Variants in BAZ2B observed in about 807,000 individuals in gnomAD.
BAZ2B encodes the protein bromodomain adjacent to zinc finger domain protein 2B.
A neutral mutation model predicts 246.0 loss-of-function variants in BAZ2B; 91 were observed. That is an observed-to-expected ratio of 0.37 (90% confidence interval 0.31 to 0.44). BAZ2B has a LOEUF of 0.44. Ranked by LOEUF, BAZ2B falls within the 20% of genes least tolerant of loss-of-function variation. The probability of loss-of-function intolerance (pLI) is 1.00; values close to 1 mark genes in which losing one functional copy is unlikely to be tolerated. For missense variants in BAZ2B, 2,332 were observed against 2,533.7 expected (o/e 0.92, Z 1.71); for synonymous variants, 855 against 860.0 (o/e 0.99, Z 0.10).
At chr2:159,359,012 T>C (rs2059403679) in intron 27 of BAZ2B, among the ~76,000 whole-genome samples, 1 of 152,082 alleles carries the variant, frequency 6.6e-6, no homozygotes, top group Admixed American at 6.6e-5. Context: ...GCAGGAAATA[T>C]CTAAAATCGA....
At chr2:159,337,983 A>T (rs1486966743) in intron 31 of BAZ2B, among the ~76,000 whole-genome samples, 1 of 152,246 alleles carries the variant, frequency 6.6e-6, no homozygotes, top group Admixed American at 6.5e-5. Context: ...TAAAATTTAT[A>T]AACTTTTGAT....
chr2:159,416,936 C>T (rs1467795105), intron 13 of BAZ2B, among the ~76,000 whole-genome samples: 1 of 152,102 alleles, frequency 6.6e-6, no homozygotes, highest in Non-Finnish European at 1.5e-5. Context: ...GTATTTTTCT[C>T]AATAAATTTT....
At chr2:159,597,689 C>T (rs2151741530) in intron 1 of BAZ2B, among the ~76,000 whole-genome samples, 1 of 152,166 alleles carries the variant, frequency 6.6e-6, no homozygotes, top group East Asian at 1.9e-4. Flanking sequence ...ACCACACCCT[C>T]AGGTGATCTG....
chr2:159,349,829 G>A lies in BAZ2B; in HGVS notation c.4742C>T (p.Ala1581Val), dbSNP rs774684049. The A allele has an allele frequency of 6.2e-7, 1 of 1,614,202 alleles. No individual in the cohort carries two copies. Among genetic ancestry groups the A allele is most frequent in the Non-Finnish European group, 8.5e-7 (1 of 1,180,016 alleles). Residue 1581 changes from alanine to valine, a missense_variant, in exon 28 of 37, where the codon GCT (alanine) becomes GTT (valine). Ala to Val is a moderately conservative substitution (Grantham distance 64). Around this residue, in one of 9 missense-constraint regions of BAZ2B, gnomAD observed 676 missense variants for 668.6 expected, o/e 1.01. Transcript: ENST00000392783. The part of the protein sequence containing the change: ...TSLTHADMST[A>V]SLVTPQSQPP... ...CTGAGACTGAGGAGTCACCAAAGAA[G>A]CAGTTGACATATCGGCATGAGTAAG...
intron 27 of BAZ2B, among the ~76,000 whole-genome samples, chr2:159,353,496 C>A (rs2058771080): frequency 6.6e-6 from 1 of 152,200 alleles, no homozygotes; most frequent in Admixed American, 6.5e-5. Context: ...GAAGATGCAA[C>A]TGAAAGCTCA....
At chr2:159,623,189 A>G in the BAZ2B span, among the ~76,000 whole-genome samples, 5 of 151,386 alleles carry the variant, frequency 3.3e-5, no homozygotes, top group African/African-American at 1.2e-4. Flanking sequence ...AAGGAAGGAA[A>G]GAGAGAAAGA....
chr2:159,318,147 A>G (rs2062307086), downstream of BAZ2B, among the ~76,000 whole-genome samples: 1 of 152,160 alleles, frequency 6.6e-6, no homozygotes, highest in Admixed American at 6.5e-5. Context: ...TAACATAAGC[A>G]TATATAATCT....
At chr2:159,587,482 A>C (rs1344823932) in intron 1 of BAZ2B, among the ~76,000 whole-genome samples, 1 of 152,142 alleles carries the variant, frequency 6.6e-6, no homozygotes, top group Non-Finnish European at 1.5e-5. Flanking sequence ...CCCACTTTTT[A>C]CATCTGGACA....
the BAZ2B span, among the ~76,000 whole-genome samples, chr2:159,691,705 C>G: frequency 2.4e-4 from 37 of 152,116 alleles, no homozygotes; most frequent in Admixed American, 4.6e-4. Flanking sequence ...GGTATGGATC[C>G]TATAGTGTTA....
intron 3 of BAZ2B, chr2:159,458,480 C>G (rs929856157): frequency 5.9e-5 from 9 of 152,136 alleles, no homozygotes; most frequent in Admixed American, 1.3e-4. Flanking sequence ...CACCCACCAC[C>G]ATGCCCGGCT....
intron 3 of BAZ2B, among the ~76,000 whole-genome samples, chr2:159,457,591 C>T (rs959762209): frequency 1.3e-5 from 2 of 152,122 alleles, no homozygotes; most frequent in Non-Finnish European, 2.9e-5. Flanking sequence ...TAACACTGGC[C>T]CTTTATTCCT....
chr2:159,679,271 CAAAAAAAAAA>C, the BAZ2B span, among the ~76,000 whole-genome samples: 1,588 of 64,496 alleles, frequency 0.025, 48 homozygotes, highest in African/African-American at 0.082. Context: ...GACTTCATCT[CAAAAAAAAAA>C]AAAAAAAAAA....
chr2:159,542,208 A>G (rs1408673571), intron 2 of BAZ2B, among the ~76,000 whole-genome samples: 1 of 152,182 alleles, frequency 6.6e-6, no homozygotes, highest in Admixed American at 6.5e-5. Context: ...AAGTGGACCA[A>G]TATGCATTAT....
chr2:159,337,448 T>C (rs2065873370), intron 32 of BAZ2B, 119 bp downstream of exon 32: 1 of 1,588,764 alleles, frequency 6.3e-7, no homozygotes, highest in Non-Finnish European at 8.6e-7. Flanking sequence ...TTCAAGTTAA[T>C]CTCAATAACC....
At chr2:159,610,659 T>C (rs1187605313) in intron 1 of BAZ2B, among the ~76,000 whole-genome samples, 2 of 152,200 alleles carry the variant, frequency 1.3e-5, no homozygotes, top group Non-Finnish European at 2.9e-5. Context: ...ATCATTATTA[T>C]TATCCCCAAT....
rs145965532 is a variant in BAZ2B at position 159,322,254 on chromosome 2, C to T, written c.6354-1836G>A. ...CATCCATTTTCCTAGGAATTACTTGCTTATTTTTACTGAGGTTAAGAAATT... is the reference window on the plus strand; with the variant it reads ...CATCCATTTTCCTAGGAATTACTTGTTTATTTTTACTGAGGTTAAGAAATT... On this transcript the variant is annotated intron_variant, in intron 36 of 36. Transcript: ENST00000392783. Among the ~76,000 whole-genome samples the T allele has an allele frequency of 2.1e-3, 312 of 152,188 alleles. 2 individuals carry two copies. The highest frequency in any genetic ancestry group is 7.3e-3 in the African/African-American group (304 of 41,538).
chr2:159,629,933 G>C, the BAZ2B span, among the ~76,000 whole-genome samples: 1 of 152,048 alleles, frequency 6.6e-6, no homozygotes, highest in Non-Finnish European at 1.5e-5. Flanking sequence ...AAAGCAAGTT[G>C]GAGAAAAATG....
chr2:159,427,461 A>C (rs1169907002), intron 13 of BAZ2B, among the ~76,000 whole-genome samples: 1 of 151,520 alleles, frequency 6.6e-6, no homozygotes, highest in Middle Eastern at 3.2e-3. Context: ...AAGAAATGAC[A>C]AAAAAAAACT....
intron 1 of BAZ2B, chr2:159,615,391 G>A (rs1216622593): frequency 6.6e-6 from 1 of 152,304 alleles, no homozygotes; most frequent in African/African-American, 2.4e-5. Context: ...CCAAGGCACA[G>A]ACCTTACTGT....
Sources: gnomAD v4.1 joint callset for allele counts (sites outside exome capture counted in the v4.1 genomes callset) on GRCh38, gnomAD v4.1.1 for gene constraint, gnomAD v4.1.1 regional missense constraint, MANE v1.5 for transcripts, NCBI Gene and HGNC (gene_info 2026-07-23, HGNC 2026-07-21) for gene names.